The following TTC28 variants were observed in gnomAD, a reference collection of about 807,000 sequenced individuals.
The protein encoded by TTC28 is tetratricopeptide repeat protein 28.
TTC28 carries 61 observed loss-of-function variants against 198.0 expected under a neutral mutation model. The ratio of observed to expected loss-of-function variants is 0.31; its 90% confidence interval spans 0.25 to 0.38. The LOEUF (loss-of-function observed/expected upper bound fraction) is 0.38, where lower values mean the gene tolerates loss of function less well. Among genes scored for constraint, TTC28 ranks in the 10% least tolerant of loss-of-function variants. The pLI, the probability that TTC28 is intolerant of heterozygous loss-of-function variation, is 1.00. For missense variants in TTC28, 2,678 were observed against 3,164.0 expected, an observed-to-expected ratio of 0.85 and a Z score of 3.69; for synonymous variants, 1,171 against 1,297.8, an observed-to-expected ratio of 0.90 and a Z score of 2.10.
intron 1 of TTC28, among the ~76,000 whole-genome samples, chr22:28,634,193 T>C (rs2096293169): frequency 6.6e-6 from 1 of 152,202 alleles, no homozygotes; most frequent in Admixed American, 6.5e-5. Context: ...AGCTGGATAC[T>C]GTGTGGTTGT....
chr22:28,411,414 C>A (rs1244257685), intron 2 of TTC28, among the ~76,000 whole-genome samples: 1 of 152,170 alleles, frequency 6.6e-6, no homozygotes, highest in Non-Finnish European at 1.5e-5. Context: ...AGAGTCCATT[C>A]TTAATATGTA....
intron 1 of TTC28, among the ~76,000 whole-genome samples, chr22:28,630,534 T>C (rs1462243080): frequency 3.9e-5 from 6 of 152,298 alleles, no homozygotes; most frequent in East Asian, 1.9e-4. Context: ...CAGGTTGATT[T>C]TGAACTACTA....
At chr22:28,375,944 G>A (rs1161636946) in intron 2 of TTC28, among the ~76,000 whole-genome samples, 1 of 152,294 alleles carries the variant, frequency 6.6e-6, no homozygotes, top group Admixed American at 6.5e-5. Context: ...TAGGTTCTTA[G>A]GCCTTTAGCC....
chr22:28,552,076 C>A (rs1007076119), intron 2 of TTC28, among the ~76,000 whole-genome samples: 1 of 152,104 alleles, frequency 6.6e-6, no homozygotes, highest in East Asian at 1.9e-4. Context: ...CTCTGCTATA[C>A]ACCAATAGCA....
intron 2 of TTC28, among the ~76,000 whole-genome samples, chr22:28,323,167 C>G (rs965431554): frequency 2.6e-5 from 4 of 152,310 alleles, no homozygotes; most frequent in Admixed American, 6.5e-5. Flanking sequence ...TTAACTTTTG[C>G]AAGCCTAGAA....
chr22:28,375,342 G>A (rs969862080), intron 2 of TTC28, among the ~76,000 whole-genome samples: 2 of 152,082 alleles, frequency 1.3e-5, no homozygotes, highest in Non-Finnish European at 2.9e-5. Flanking sequence ...GTATGTGGTG[G>A]CATCTCATTT....
chr22:28,123,908 G>A (rs1364793783), intron 6 of TTC28, among the ~76,000 whole-genome samples: 4 of 152,010 alleles, frequency 2.6e-5, no homozygotes, highest in South Asian at 4.1e-4. Flanking sequence ...GCTTGAACCC[G>A]GGAGGCAGAG....
At chr22:28,063,578 T>C (rs1398056948) in intron 12 of TTC28, among the ~76,000 whole-genome samples, 2 of 152,158 alleles carry the variant, frequency 1.3e-5, no homozygotes, top group African/African-American at 4.8e-5. Context: ...ATGGGAAGGT[T>C]ATCCTAGAAG....
chr22:28,606,311 G>A (rs765949265), intron 2 of TTC28, among the ~76,000 whole-genome samples: 8 of 151,734 alleles, frequency 5.3e-5, no homozygotes, highest in Non-Finnish European at 8.8e-5. Flanking sequence ...GGCTGGTCTC[G>A]AACCCCTGAC....
At chr22:28,227,209 C>T (rs1928412789) in intron 5 of TTC28, among the ~76,000 whole-genome samples, 2 of 152,136 alleles carry the variant, frequency 1.3e-5, no homozygotes, top group Non-Finnish European at 2.9e-5. Flanking sequence ...TGAAGTGAAT[C>T]TTTACCTTAC....
chr22:28,606,153 G>A (rs1419152519), intron 2 of TTC28, among the ~76,000 whole-genome samples: 2 of 149,908 alleles, frequency 1.3e-5, no homozygotes, highest in South Asian at 2.1e-4. Context: ...GCACGATCTC[G>A]GCTCACTGCA....
At chr22:28,169,256 T>C (rs540472949) in intron 5 of TTC28, among the ~76,000 whole-genome samples, 3 of 152,148 alleles carry the variant, frequency 2.0e-5, no homozygotes, top group African/African-American at 7.2e-5. Context: ...ATTGTGGAAG[T>C]CGGTGTGGTG....
chr22:28,378,796 A>G (rs1374510008), intron 2 of TTC28, among the ~76,000 whole-genome samples: 2 of 152,204 alleles, frequency 1.3e-5, no homozygotes, highest in African/African-American at 2.4e-5. Flanking sequence ...CCAGTGAGCC[A>G]GGAGCAAGTT....
chr22:28,210,681 AC>A (rs1320804978), intron 5 of TTC28, among the ~76,000 whole-genome samples: 4 of 152,280 alleles, frequency 2.6e-5, no homozygotes, highest in South Asian at 2.1e-4. Context: ...CCTGAAAGTG[AC>A]GGGGAGAATG....
At chr22:28,589,298 G>C (rs776866399) in intron 2 of TTC28, among the ~76,000 whole-genome samples, 2 of 152,160 alleles carry the variant, frequency 1.3e-5, no homozygotes, top group Non-Finnish European at 1.5e-5. Context: ...AGGCCAAACA[G>C]AAATGGAGTC....
At chr22:28,160,183 T>C (rs554462469) in intron 6 of TTC28, among the ~76,000 whole-genome samples, 3 of 152,308 alleles carry the variant, frequency 2.0e-5, no homozygotes, top group African/African-American at 4.8e-5. Context: ...GGAAACTTAA[T>C]TGTACATTTG....
chr22:28,190,101 C>G (rs1257471961), intron 5 of TTC28, among the ~76,000 whole-genome samples: 1 of 152,188 alleles, frequency 6.6e-6, no homozygotes. Context: ...CATGGTCACA[C>G]AGCTGAAAGG....
At chr22:28,303,470 G>A (rs2045068631) in intron 3 of TTC28, among the ~76,000 whole-genome samples, 1 of 152,126 alleles carries the variant, frequency 6.6e-6, no homozygotes. Context: ...TCTGATTTGT[G>A]TGCATGAGTG....
chr22:28,041,588 T>C (rs1336469341), intron 12 of TTC28, among the ~76,000 whole-genome samples: 1 of 152,214 alleles, frequency 6.6e-6, no homozygotes, highest in African/African-American at 2.4e-5. Flanking sequence ...TAACTCCAGA[T>C]GGATTTAAGA....
Sources: allele counts gnomAD v4.1 joint callset (sites outside exome capture counted in the v4.1 genomes callset), GRCh38; gene constraint gnomAD v4.1.1; transcripts MANE v1.5; gene names NCBI Gene and HGNC (gene_info 2026-07-23, HGNC 2026-07-21).